DENND5A: variants seen among roughly 807,000 people sequenced by gnomAD.
DENND5A encodes DENN domain containing 5A, also known as DENN domain-containing protein 5A.
A neutral mutation model predicts 140.3 loss-of-function variants in DENND5A; 64 were observed. The ratio of observed to expected loss-of-function variants is 0.46; its 90% CI spans 0.37 to 0.56. The LOEUF (loss-of-function observed/expected upper bound fraction) is 0.56, where lower values mean the gene tolerates loss of function less well. Among genes scored for constraint, DENND5A ranks in the 20% least tolerant of loss-of-function variants. The pLI is 0.00. For missense variants in DENND5A, 1,292 were observed against 1,593.8 expected (o/e 0.81, Z 3.22); for synonymous variants, 605 against 607.7 (o/e 1.00, Z 0.07).
intron 4 of DENND5A, among the ~76,000 whole-genome samples, chr11:9,194,476 T>TA (rs1849248618): frequency 6.6e-6 from 1 of 150,520 alleles, no homozygotes; most frequent in Admixed American, 6.6e-5. Context: ...GGCTGAGACG[T>TA]AAGAATTGCT....
Position 9,255,984 on chromosome 11 carries a change from C to A in DENND5A, c.109+8977G>T, listed in dbSNP as rs1223456111. 2.6e-5 allele frequency among the ~76,000 whole-genome samples: 4 copies of A among 151,448 alleles called. No individual in the cohort carries two copies. In the East Asian group the frequency reaches 5.8e-4, roughly 22 times the overall value. ...GTGGTTGCAGTAAGCCAAGATCGCG[C>A]CATTGCACCCCAGCGTGAGCAACAC... On this transcript the variant is annotated intron_variant, in intron 1 of 22. Transcript: ENST00000328194.
At chr11:9,237,345 C>A (rs1413312467) in intron 1 of DENND5A, among the ~76,000 whole-genome samples, 1 of 151,540 alleles carries the variant, frequency 6.6e-6, no homozygotes, top group Non-Finnish European at 1.5e-5. Flanking sequence ...GCTCTTGAAC[C>A]CAGGAGGCAG....
chr11:9,165,227 C>G (rs1228571944), intron 11 of DENND5A, among the ~76,000 whole-genome samples: 1 of 152,044 alleles, frequency 6.6e-6, no homozygotes, highest in Non-Finnish European at 1.5e-5. Flanking sequence ...GTCTTGAACT[C>G]CTGACCTCGT....
intron 4 of DENND5A, among the ~76,000 whole-genome samples, chr11:9,194,305 C>T (rs1285715336): frequency 3.3e-5 from 5 of 152,194 alleles, no homozygotes; most frequent in Non-Finnish European, 7.3e-5. Flanking sequence ...TGGCTCACGC[C>T]TGTAATGCCA....
At chr11:9,252,166 C>T (rs913105514) in intron 1 of DENND5A, among the ~76,000 whole-genome samples, 1 of 143,722 alleles carries the variant, frequency 7.0e-6, no homozygotes, top group African/African-American at 2.6e-5. Flanking sequence ...GGCATGGTAG[C>T]ACGCGCCTGT....
chr11:9,169,979 T>G (rs1269469653), intron 9 of DENND5A, 30 bp from the exon 10 acceptor site: 1 of 1,467,790 alleles, frequency 6.8e-7, no homozygotes, highest in East Asian at 2.3e-5. Flanking sequence ...AGCAGGCAAT[T>G]AATAATGTCT....
rs1847265767 is a variant in DENND5A, at chr11:9,142,116, G to A, written c.3512-8C>T. 2 of 1,570,210 alleles carry A rather than the reference G, an allele frequency of 1.3e-6. No homozygotes were observed. The highest frequency in any genetic ancestry group is 1.4e-5 in the African/African-American group (1 of 73,844). On this transcript the variant is annotated splice_polypyrimidine_tract_variant and splice_region_variant and intron_variant, in intron 21 of 22. Coordinates refer to ENST00000328194, the MANE Select transcript of DENND5A (RefSeq NM_015213.4). ...AATAGGTTTGTGCTTTTTCTGTGAAGAGTAGAAAAGCTTGCCAGTGAAAAG... is the reference window on the plus strand; with the variant it reads ...AATAGGTTTGTGCTTTTTCTGTGAAAAGTAGAAAAGCTTGCCAGTGAAAAG...
chr11:9,230,882 G>A (rs1408630410), intron 1 of DENND5A, among the ~76,000 whole-genome samples: 1 of 152,076 alleles, frequency 6.6e-6, no homozygotes, highest in Admixed American at 6.6e-5. Flanking sequence ...CCAGCTGCTA[G>A]GGAGGCTGAG....
intron 1 of DENND5A, among the ~76,000 whole-genome samples, chr11:9,254,564 T>C (rs1173586335): frequency 6.6e-6 from 1 of 152,146 alleles, no homozygotes; most frequent in African/African-American, 2.4e-5. Context: ...GATTTTGAGT[T>C]TTGCTGCAGC....
intron 1 of DENND5A, among the ~76,000 whole-genome samples, chr11:9,248,744 G>C (rs1564940199): frequency 6.6e-6 from 1 of 151,780 alleles, no homozygotes; most frequent in Non-Finnish European, 1.5e-5. Context: ...ATTGGCTGAG[G>C]GGCTTAGGAT....
At chr11:9,257,113 G>C (rs1370008111) in intron 1 of DENND5A, among the ~76,000 whole-genome samples, 1 of 151,510 alleles carries the variant, frequency 6.6e-6, no homozygotes, top group Non-Finnish European at 1.5e-5. Flanking sequence ...CATTTCAAGC[G>C]ATTCTCCTGT....
chr11:9,249,089 G>A (rs1317228300), intron 1 of DENND5A, among the ~76,000 whole-genome samples: 2 of 151,954 alleles, frequency 1.3e-5, no homozygotes, highest in Admixed American at 1.3e-4. Context: ...TTAGCCGGGC[G>A]TGGTGGTGGG....
chr11:9,175,115 G>C (rs1848505392), intron 8 of DENND5A: 1 of 152,102 alleles, frequency 6.6e-6, no homozygotes, highest in Admixed American at 6.5e-5. Flanking sequence ...TTAAAAGTTA[G>C]TTTAGTATGG....
chr11:9,171,206 T>C (rs1848362768), intron 8 of DENND5A: 1 of 163,382 alleles, frequency 6.1e-6, no homozygotes, highest in Admixed American at 5.9e-5. Context: ...TTCAGCAGGG[T>C]AATGGGTCAG....
At chr11:9,202,195 A>G (rs567827993) in intron 4 of DENND5A, among the ~76,000 whole-genome samples, 2 of 152,358 alleles carry the variant, frequency 1.3e-5, no homozygotes, top group African/African-American at 4.8e-5. Flanking sequence ...CATGAAAGAC[A>G]AAAGCTGAGA....
intron 1 of DENND5A, among the ~76,000 whole-genome samples, chr11:9,257,192 T>C (rs1251384744): frequency 1.3e-5 from 2 of 151,962 alleles, no homozygotes; most frequent in African/African-American, 4.8e-5. Context: ...GTATTTTTAG[T>C]AGAGACGGGG....
chr11:9,206,895 T>G, intron 2 of DENND5A, 113 bp from the exon 3 acceptor site: 1 of 726,432 alleles, frequency 1.4e-6, no homozygotes, highest in Non-Finnish European at 2.4e-6. Context: ...GCAAGGGGGT[T>G]AGTATGCCAA....
Position 9,193,559 on chromosome 11 carries a change from G to C in DENND5A, c.1072C>G (p.Pro358Ala), listed in dbSNP as rs373049315. 7 of 1,614,052 alleles carry C rather than the reference G, an allele frequency of 4.3e-6. No individual in the cohort carries two copies. Among genetic ancestry groups the C allele is most frequent in the Non-Finnish European group, 5.1e-6 (6 of 1,179,996 alleles). ...TTGGAATGCAAACCCATCAGGTATG[G>C]AACAGGAGCATCTAAGAAATGCAGG... ...SLLHFLDAPV[P>A]YLMGLHSNGL... The change falls in exon 5 of 23, where the codon CCA becomes GCA. Residue 358 changes from proline to alanine, a missense_variant. Coordinates refer to ENST00000328194, the MANE Select transcript of DENND5A (RefSeq NM_015213.4).
chr11:9,243,656 G>T (rs1851338684), intron 1 of DENND5A, among the ~76,000 whole-genome samples: 1 of 152,204 alleles, frequency 6.6e-6, no homozygotes, highest in South Asian at 2.1e-4. Context: ...GGGAGGCCAA[G>T]GTAGGCGGAT....
Sources: gnomAD v4.1 joint callset for allele counts (sites outside exome capture counted in the v4.1 genomes callset) on GRCh38, gnomAD v4.1.1 for gene constraint, MANE v1.5 for transcripts, NCBI Gene and HGNC (gene_info 2026-07-23, HGNC 2026-07-21) for gene names.